SLC25A53: variants seen among roughly 807,000 people sequenced by gnomAD.
The protein encoded by SLC25A53 is solute carrier family 25 member 53, also known as mitochondrial carrier triple repeat protein 6.
A neutral mutation model predicts 15.0 loss-of-function variants in SLC25A53; 5 were observed. The observed-to-expected ratio is 0.33, with a 90% confidence interval of 0.17 to 0.70. The LOEUF (loss-of-function observed/expected upper bound fraction) is 0.70, where lower values mean the gene tolerates loss of function less well. SLC25A53 is among the 30% of genes least tolerant of loss of function. SLC25A53 has a pLI of 0.67. For missense variants in SLC25A53, 216 were observed against 241.6 expected (o/e 0.89, Z 0.70); for synonymous variants, 95 against 100.0 (o/e 0.95, Z 0.30).
chrX:104,128,545 T>C (rs1176680190), intron 1 of SLC25A53, among the ~76,000 whole-genome samples: 3 of 111,713 alleles, frequency 2.7e-5, no homozygotes, highest in African/African-American at 9.8e-5. Flanking sequence ...TTGGATAAAG[T>C]ATATGAAGAC....
At chrX:104,106,204 C>T (rs781817575) in intron 1 of SLC25A53, among the ~76,000 whole-genome samples, 10 of 110,627 alleles carry the variant, frequency 9.0e-5, no homozygotes, top group Non-Finnish European at 1.7e-4. Flanking sequence ...GTGCAAGGAC[C>T]CCAAACTATT....
intron 1 of SLC25A53, among the ~76,000 whole-genome samples, chrX:104,149,141 A>G (rs781791162): frequency 6.2e-5 from 7 of 112,096 alleles, no homozygotes; most frequent in Non-Finnish European, 1.1e-4. Context: ...GCAAAGCAAA[A>G]TGCTTTGTGT....
At chrX:104,127,809 C>T (rs1319900899) in intron 1 of SLC25A53, among the ~76,000 whole-genome samples, 1 of 110,906 alleles carries the variant, frequency 9.0e-6, no homozygotes, top group Non-Finnish European at 1.9e-5. Context: ...ACTAAAAATA[C>T]AAAAATTAGC....
At chrX:104,123,546 T>C (rs1331377212) in intron 1 of SLC25A53, among the ~76,000 whole-genome samples, 1 of 57,804 alleles carries the variant, frequency 1.7e-5, no homozygotes, top group African/African-American at 5.0e-5. Context: ...GATTTGTTTA[T>C]TTTTTTTTTT....
In SLC25A53 at chrX:104,101,075, T is replaced by C. The variant is rs1244727301; in HGVS notation, c.*3259A>G. 1.8e-5 allele frequency: 2 copies of C among 112,321 alleles called. No individual in the cohort carries two copies. The highest frequency in any genetic ancestry group is 4.2e-3 in the Middle Eastern group (1 of 238). 9.3% of individuals were successfully genotyped at this position (112,321 alleles called of 1,213,427 possible). ...AGTTCACATGACCCCTTCTTTGGGT[T>C]TAATTTGCCAGAAAGGGTCACAGAA... On this transcript the variant is annotated 3_prime_UTR_variant, in exon 2 of 2. Transcript: ENST00000594199.
At chrX:104,150,258 A>G (rs2075481040) in intron 1 of SLC25A53, among the ~76,000 whole-genome samples, 2 of 109,530 alleles carry the variant, frequency 1.8e-5, no homozygotes, top group African/African-American at 6.6e-5. Context: ...AAAAAAAAGA[A>G]GGTAACCAAA....
intron 1 of SLC25A53, among the ~76,000 whole-genome samples, chrX:104,106,426 G>A (rs2147862072): frequency 9.0e-6 from 1 of 111,560 alleles, no homozygotes; most frequent in East Asian, 2.8e-4. Context: ...AAGGAACAGA[G>A]ATGTGTGGGT....
At chrX:104,120,374 A>G (rs1556362454) in intron 1 of SLC25A53, among the ~76,000 whole-genome samples, 1 of 112,024 alleles carries the variant, frequency 8.9e-6, no homozygotes, top group Non-Finnish European at 1.9e-5. Flanking sequence ...CAAACACTTG[A>G]CATTGTCAAC....
At chrX:104,150,865 A>G (rs1211182876) in intron 1 of SLC25A53, among the ~76,000 whole-genome samples, 1 of 111,355 alleles carries the variant, frequency 9.0e-6, no homozygotes, top group Non-Finnish European at 1.9e-5. Flanking sequence ...TAATGCACTG[A>G]GCAATCAACC....
intron 1 of SLC25A53, chrX:104,115,719 T>G (rs1266755045): frequency 6.4e-6 from 1 of 156,068 alleles, no homozygotes; most frequent in Non-Finnish European, 1.3e-5. Context: ...TGTACCTGTG[T>G]ACCCAGATAG....
chrX:104,104,280 A>G lies in SLC25A53; in HGVS notation c.*54T>C, dbSNP rs1434950926. The G allele has an allele frequency of 1.1e-5, 13 of 1,141,290 alleles. No individual in the cohort carries two copies. Among genetic ancestry groups the G allele is most frequent in the Non-Finnish European group, 1.5e-5 (13 of 843,316 alleles). 94.1% of individuals were successfully genotyped at this position (1,141,290 alleles called of 1,213,427 possible). ...CTAGCCAAAGAAGTAAGCTATATAGAACCAACCAGGGAAGATTTAGAATAA... is the reference window on the plus strand; with the variant it reads ...CTAGCCAAAGAAGTAAGCTATATAGGACCAACCAGGGAAGATTTAGAATAA... On this transcript the variant is annotated 3_prime_UTR_variant, in exon 2 of 2. Coordinates refer to ENST00000594199, the MANE Select transcript of SLC25A53 (RefSeq NM_001012755.5).
At position 104,132,081 on chromosome X, in the gene SLC25A53, C is replaced by G. The variant is rs186677238; in HGVS notation, c.-32+24797G>C. Among the ~76,000 whole-genome samples, 276 of 112,474 alleles carry G rather than the reference C, an allele frequency of 2.5e-3. No homozygotes were observed. In the South Asian group the frequency reaches 0.032, roughly 13 times the overall value. On this transcript the variant is annotated intron_variant, in intron 1 of 1. Coordinates refer to ENST00000594199, the MANE Select transcript of SLC25A53 (RefSeq NM_001012755.5). Reference sequence around the variant, plus strand: ...TGTCAATTTATCTATTCCTCTCCATCCTAAATACTAGGTCTCTGGCAGAGG... The same window carrying G: ...TGTCAATTTATCTATTCCTCTCCATGCTAAATACTAGGTCTCTGGCAGAGG...
In SLC25A53 at chrX:104,146,390, C is replaced by T. The variant is rs1403311075; in HGVS notation, c.-32+10488G>A. On this transcript the variant is annotated intron_variant, in intron 1 of 1. Coordinates refer to ENST00000594199, the MANE Select transcript of SLC25A53 (RefSeq NM_001012755.5). ...AACTGGAAGCATTCCCTTTGAAAAC[C>T]AGCACAAGACAAGGATGCCCTCTCT... 9.8e-5 allele frequency among the ~76,000 whole-genome samples: 11 copies of T among 111,768 alleles called. No homozygotes were observed. In the South Asian group the frequency reaches 1.9e-3, roughly 19 times the overall value.
At chrX:104,154,527 T>C (rs2075494703) in intron 1 of SLC25A53, among the ~76,000 whole-genome samples, 1 of 112,691 alleles carries the variant, frequency 8.9e-6, no homozygotes, top group South Asian at 3.6e-4. Flanking sequence ...GAGATATCTG[T>C]ACTCTTATGT....
chrX:104,141,677 G>A (rs1038181464), intron 1 of SLC25A53, among the ~76,000 whole-genome samples: 1 of 110,974 alleles, frequency 9.0e-6, no homozygotes. Context: ...AGTCTCCACC[G>A]CCTCAGCTCA....
intron 1 of SLC25A53, among the ~76,000 whole-genome samples, chrX:104,141,275 C>T (rs781865363): frequency 9.0e-6 from 1 of 111,286 alleles, no homozygotes; most frequent in African/African-American, 3.3e-5. Flanking sequence ...GCCTCGCAAT[C>T]GCAGTAAGCT....
Position 104,133,062 on chromosome X carries a change from T to A in SLC25A53, c.-32+23816A>T, listed in dbSNP as rs1014694054. On this transcript the variant is annotated intron_variant, in intron 1 of 1. Coordinates refer to ENST00000594199, the MANE Select transcript of SLC25A53 (RefSeq NM_001012755.5). ...GGAATTTGAGTTTAGTCAAGTTAAA[T>A]GCTGCTGAAACAAAAATGTCAATAC... is the stretch of plus-strand genomic sequence containing the variant. Among the ~76,000 whole-genome samples, 5 of 112,231 alleles carry A rather than the reference T, an allele frequency of 4.5e-5. No homozygotes were observed. The Admixed American group carries it at 4.7e-4, about 11-fold the overall frequency.
intron 1 of SLC25A53, among the ~76,000 whole-genome samples, chrX:104,134,793 G>A (rs1404574219): frequency 3.6e-5 from 4 of 111,318 alleles, no homozygotes; most frequent in African/African-American, 9.8e-5. Flanking sequence ...CCTCCACAGC[G>A]TCCTCCACAT....
intron 1 of SLC25A53, among the ~76,000 whole-genome samples, chrX:104,143,915 T>C (rs971517909): frequency 1.8e-5 from 2 of 111,961 alleles, no homozygotes; most frequent in African/African-American, 6.5e-5. Flanking sequence ...CCAGAAACCC[T>C]GCAAGCCAGA....
Sources: allele counts gnomAD v4.1 joint callset (sites outside exome capture counted in the v4.1 genomes callset), GRCh38; gene constraint gnomAD v4.1.1; transcripts MANE v1.5; gene names NCBI Gene and HGNC (gene_info 2026-07-23, HGNC 2026-07-21).